Variants in PTCH2 observed in about 807,000 individuals in gnomAD.
PTCH2 encodes protein patched homolog 2.
A neutral mutation model predicts 117.9 loss-of-function variants in PTCH2; 96 were observed. The ratio of observed to expected loss-of-function variants is 0.81; its 90% CI spans 0.69 to 0.96. PTCH2 has a LOEUF of 0.96. Among genes scored for constraint, PTCH2 ranks in the 50% least tolerant of loss-of-function variants. The pLI is 0.00. For synonymous variants in PTCH2, 615 were observed against 660.9 expected (o/e 0.93, Z 1.06); for missense variants, 1,379 against 1,562.5 (o/e 0.88, Z 1.98).
intron 6 of PTCH2, among the ~76,000 whole-genome samples, 172 bp from the exon 7 acceptor site, chr1:44,830,202 C>T (rs1278080912): frequency 6.7e-6 from 1 of 150,240 alleles, no homozygotes; most frequent in Non-Finnish European, 1.5e-5. Flanking sequence ...TAGTATCCCG[C>T]AGACAGGAAG....
At chr1:44,836,773 TACAA>T (rs531275917) in intron 2 of PTCH2, among the ~76,000 whole-genome samples, 41 of 151,776 alleles carry the variant, frequency 2.7e-4, no homozygotes, top group African/African-American at 6.8e-4. Flanking sequence ...ACTGCGTCTC[TACAA>T]ACAAACAAAC....
In PTCH2 at chr1:44,827,418, G is replaced by C. The variant is rs11573588; in HGVS notation, c.2355C>G (p.Tyr785Ter). Residue 785 changes from tyrosine (Y) to a stop codon, truncating the protein, a stop_gained, in exon 15 of 22, where the codon TAC (tyrosine) becomes TAG (stop). Transcript: ENST00000372192. LOFTEE classifies it high-confidence loss of function. ...GCCTCTCACCCTGTAGCCAGTTGCGGTAATAGTGCAGCCAGGTGCGGGGTG... is the reference window on the plus strand; with the variant it reads ...GCCTCTCACCCTGTAGCCAGTTGCGCTAATAGTGCAGCCAGGTGCGGGGTG... ...TQAPRTWLHYYRNWLQGIQAA... is the reference protein window; with the variant it reads ...TQAPRTWLHY The C allele has an allele frequency of 6.2e-7, 1 of 1,613,848 alleles. No homozygotes were observed. The highest frequency in any genetic ancestry group is 1.7e-5 in the Admixed American group (1 of 60,006).
chr1:44,827,128 A>G, intron 16 of PTCH2, 39 bp downstream of exon 16: 1 of 1,613,940 alleles, frequency 6.2e-7, no homozygotes, highest in Admixed American at 1.7e-5. Flanking sequence ...GGAGGCCTGC[A>G]GCCCCTGTAC....
intron 2 of PTCH2, among the ~76,000 whole-genome samples, chr1:44,840,771 G>A (rs554556461): frequency 6.6e-6 from 1 of 152,180 alleles, no homozygotes; most frequent in African/African-American, 2.4e-5. Flanking sequence ...GCTTATGCCT[G>A]TAGTCCCAGC....
chr1:44,834,184 A>ATT (rs1367604103), intron 2 of PTCH2, among the ~76,000 whole-genome samples: 1 of 148,274 alleles, frequency 6.7e-6, no homozygotes, highest in African/African-American at 2.5e-5. Flanking sequence ...CAATGGTGCA[A>ATT]TCTCGGCTCA....
intron 2 of PTCH2, among the ~76,000 whole-genome samples, chr1:44,834,838 A>T (rs1653616156): frequency 6.6e-6 from 1 of 152,200 alleles, no homozygotes; most frequent in African/African-American, 2.4e-5. Flanking sequence ...CCAGCTCCTC[A>T]TCTGTCAAAC....
rs768951349 is a variant in PTCH2 at position 44,830,587 on chromosome 1, CA to C, written c.813+260del. ...CCAGCCTGGGTGACAGAGTGAGACT[CA>C]AAAAAAAAAAAAAAAAGAAGTCCAG... On this transcript the variant is annotated intron_variant, in intron 6 of 21. Coordinates refer to ENST00000372192, the MANE Select transcript of PTCH2 (RefSeq NM_003738.5). Among the ~76,000 whole-genome samples the C allele has an allele frequency of 5.0e-3, 327 of 65,160 alleles. 5 individuals are homozygous for C. Among genetic ancestry groups the C allele is most frequent in the African/African-American group, 0.012 (173 of 14,732 alleles). 42.7% of individuals were successfully genotyped at this position (65,160 alleles called of 152,430 possible). A position where few individuals can be genotyped will look rare whatever the true frequency, so the allele number is the denominator to read the frequency against.
chr1:44,840,508 C>T (rs1485536194), intron 2 of PTCH2, among the ~76,000 whole-genome samples: 2 of 150,656 alleles, frequency 1.3e-5, no homozygotes, highest in Non-Finnish European at 3.0e-5. Context: ...GCCAGGAGTT[C>T]GAGACCAGCC....
Position 44,827,992 on chromosome 1 carries a change from T to C in PTCH2, c.1909A>G (p.Ser637Gly). 6.2e-7 allele frequency: 1 copy of C among 1,614,122 alleles called. No individual in the cohort carries two copies. The change falls in exon 14 of 22, where the codon AGC (serine) becomes GGC (glycine). Residue 637 changes from serine to glycine, a missense_variant. By Grantham distance (56) the Ser-to-Gly change is moderately conservative. Transcript: ENST00000372192. ...PSDPLGSELF[S>G]PGGSTRDLLG... is the part of the protein sequence containing the mutation. ...AGGTCCCGTGTGGACCCTCCAGGGC[T>C]GAAGAGCTCAGAGCCCAGTGGGTCA... is the stretch of plus-strand genomic sequence containing the variant.
At chr1:44,825,033 T>C (rs1322850216) in intron 19 of PTCH2, among the ~76,000 whole-genome samples, 1 of 152,248 alleles carries the variant, frequency 6.6e-6, no homozygotes, top group Admixed American at 6.5e-5. Context: ...TTTTCTCATC[T>C]TCCATTCTGT....
At position 44,829,418 on chromosome 1, in the gene PTCH2, C is replaced by T; in HGVS notation, c.1199G>A (p.Gly400Glu). 6.2e-7 allele frequency: 1 copy of T among 1,614,172 alleles called. No homozygotes were observed. The highest frequency in any genetic ancestry group is 2.2e-5 in the East Asian group (1 of 44,880). Residue 400 changes from glycine (G) to glutamate (E), a missense_variant, in exon 9 of 22, where the codon GGA becomes GAA. Transcript: ENST00000372192. ...FSEVSAARVV[G>E]GYLLMLAYAC... Reference sequence around the variant, plus strand: ...AAGACCCACCATGAGCAGATAGCCTCCCACCACACGGGCAGCACTGACTTC... The same window carrying T: ...AAGACCCACCATGAGCAGATAGCCTTCCACCACACGGGCAGCACTGACTTC...
At chr1:44,841,751 G>A in intron 2 of PTCH2, 96 bp downstream of exon 2, 1 of 1,408,766 alleles carries the variant, frequency 7.1e-7, no homozygotes, top group Non-Finnish European at 1.0e-6. Flanking sequence ...CCAGCCCCAG[G>A]GCCAGGCCTG....
chr1:44,836,085 T>C (rs530651774), intron 2 of PTCH2, among the ~76,000 whole-genome samples: 4 of 152,268 alleles, frequency 2.6e-5, no homozygotes, highest in African/African-American at 9.6e-5. Context: ...CTTCCTCCTT[T>C]CTAACAGACC....
At chr1:44,825,482 A>T (rs1387398493) in intron 19 of PTCH2, among the ~76,000 whole-genome samples, 1 of 152,144 alleles carries the variant, frequency 6.6e-6, no homozygotes, top group East Asian at 1.9e-4. Flanking sequence ...CCTTGGAGGT[A>T]AAAAACTGTA....
Position 44,823,406 on chromosome 1 carries a change from T to C in PTCH2, c.3115-21A>G, listed in dbSNP as rs568350125. 11 of 1,614,064 alleles carry C rather than the reference T, an allele frequency of 6.8e-6. No individual in the cohort carries two copies. In the African/African-American group the frequency reaches 1.3e-4, roughly 20 times the overall value. ...AAGCCCTAGGAAAACAGAGTGGTCCTGGAGCTGCTCCTCTGCCAGTCATGG... is the reference window on the plus strand; with the variant it reads ...AAGCCCTAGGAAAACAGAGTGGTCCCGGAGCTGCTCCTCTGCCAGTCATGG... On this transcript the variant is annotated intron_variant, in intron 19 of 21. Transcript: ENST00000372192. This position sits in a 1 kb window ranked among gnomAD's most constrained non-coding sequence, Gnocchi z 5.1.
intron 1 of PTCH2, among the ~76,000 whole-genome samples, chr1:44,842,274 C>T (rs1348817352): frequency 1.5e-5 from 2 of 130,902 alleles, no homozygotes; most frequent in Non-Finnish European, 1.6e-5. Flanking sequence ...GTTTTCTCTC[C>T]TTTTTTTTTT....
intron 19 of PTCH2, among the ~76,000 whole-genome samples, chr1:44,824,488 C>T (rs966855966): frequency 5.8e-5 from 7 of 121,202 alleles, no homozygotes; most frequent in African/African-American, 2.1e-4. Flanking sequence ...ATTGCCATCC[C>T]GCTACCATCC....
chr1:44,821,747 G>C, downstream of PTCH2: 1 of 1,269,490 alleles, frequency 7.9e-7, no homozygotes, highest in Non-Finnish European at 1.0e-6. Flanking sequence ...TTATCGTTTT[G>C]TATAGTAAGC....
In PTCH2 at chr1:44,826,923, T is replaced by C. The variant is rs764121153; in HGVS notation, c.2674A>G (p.Thr892Ala). 6 of 1,613,568 alleles carry C rather than the reference T, an allele frequency of 3.7e-6. No homozygotes were observed. Among genetic ancestry groups the C allele is most frequent in the Admixed American group, 1.7e-5 (1 of 59,960 alleles). Residue 892 changes from threonine (T) to alanine (A), a missense_variant, in exon 17 of 22, where the codon ACC becomes GCC. Thr to Ala is a moderately conservative substitution (Grantham distance 58, BLOSUM62 0). Coordinates refer to ENST00000372192, the MANE Select transcript of PTCH2 (RefSeq NM_003738.5). The surrounding 1 kb of genome is among the most constrained non-coding windows in gnomAD (Gnocchi z 5.1). Reference protein sequence around the residue: ...PPEWLHDKYDTTGENLRIPPA... With the variant: ...PPEWLHDKYDATGENLRIPPA... ...TCACTGCGAAGGTTCTCCCCCGTGG[T>C]GTCGTATTTGTCGTGCAGCCATTCA...
Sources: gnomAD v4.1 joint callset for allele counts (sites outside exome capture counted in the v4.1 genomes callset) on GRCh38, gnomAD v4.1.1 for gene constraint, Gnocchi (gnomAD v3.1) non-coding constraint, MANE v1.5 for transcripts, NCBI Gene and HGNC (gene_info 2026-07-23, HGNC 2026-07-21) for gene names.